Variants in ZNF391 observed in about 807,000 individuals in gnomAD.
ZNF391 encodes zinc finger protein 391.
For missense variants in ZNF391, 375 were observed against 425.5 expected (o/e 0.88, Z 1.04); for synonymous variants, 126 against 142.1 (o/e 0.89, Z 0.80).
chr6:27,397,589 C>T (rs1581535654), intron 1 of ZNF391, among the ~76,000 whole-genome samples: 1 of 152,140 alleles, frequency 6.6e-6, no homozygotes, highest in African/African-American at 2.4e-5. Flanking sequence ...AGCAGTAAGG[C>T]CAATTCCTAT....
upstream of ZNF391, among the ~76,000 whole-genome samples, chr6:27,385,088 T>C (rs748229263): frequency 1.3e-5 from 2 of 152,102 alleles, no homozygotes; most frequent in Non-Finnish European, 2.9e-5. Flanking sequence ...ATAGTGTTAT[T>C]TGAGAGTGGA....
chr6:27,390,285 G>A (rs1761675810), intron 1 of ZNF391, among the ~76,000 whole-genome samples: 1 of 152,216 alleles, frequency 6.6e-6, no homozygotes, highest in Non-Finnish European at 1.5e-5. Flanking sequence ...AACTGTGGTG[G>A]CCAGCGCTGT....
chr6:27,382,437 T>C (rs1487929995), intron 1 of ZNF391, among the ~76,000 whole-genome samples: 1 of 152,182 alleles, frequency 6.6e-6, no homozygotes, highest in Non-Finnish European at 1.5e-5. Context: ...CATTTCCATA[T>C]ATCAAGAAAA....
At chr6:27,395,476 A>G (rs1761804604) in intron 1 of ZNF391, among the ~76,000 whole-genome samples, 1 of 152,152 alleles carries the variant, frequency 6.6e-6, no homozygotes, top group African/African-American at 2.4e-5. Context: ...GAAGATGCCA[A>G]CACCATGCTT....
chr6:27,399,828 A>G, intron 2 of ZNF391, among the ~76,000 whole-genome samples: 1 of 152,176 alleles, frequency 6.6e-6, no homozygotes, highest in Non-Finnish European at 1.5e-5. Flanking sequence ...TGAAATTTTT[A>G]TTCTCTTTCA....
chr6:27,382,581 T>C (rs1354519844), intron 1 of ZNF391, among the ~76,000 whole-genome samples: 1 of 152,080 alleles, frequency 6.6e-6, no homozygotes. Context: ...ATACCAGAAA[T>C]TTGAAACAAT....
At chr6:27,393,287 GTTC>G (rs1228163732) in intron 1 of ZNF391, among the ~76,000 whole-genome samples, 3 of 152,210 alleles carry the variant, frequency 2.0e-5, no homozygotes, top group Non-Finnish European at 4.4e-5. Context: ...GCTTGGTGCT[GTTC>G]TTGTGATAAT....
Position 27,376,677 on chromosome 6 carries a change from GA to G in ZNF391, n.523+1543del, listed in dbSNP as rs1315394394. On this transcript the variant is annotated intron_variant and non_coding_transcript_variant, in intron 1 of 2. Transcript: ENST00000477999. This position sits in a 1 kb window ranked among gnomAD's most constrained non-coding sequence, Gnocchi z 4.7. ...TCAAGACCAGCCTGGCCAACATGGTGAAACCCCATCTCTACTAAAAATACAA... is the reference window on the plus strand; with the variant it reads ...TCAAGACCAGCCTGGCCAACATGGTGAACCCCATCTCTACTAAAAATACAA... Among the ~76,000 whole-genome samples the G allele has an allele frequency of 6.6e-6, 1 of 152,004 alleles. No individual in the cohort carries two copies. The highest frequency in any genetic ancestry group is 6.6e-5 in the Admixed American group (1 of 15,264).
chr6:27,376,154 A>G lies in ZNF391; in HGVS notation n.523+1017A>G, dbSNP rs957889073. On this transcript the variant is annotated intron_variant and non_coding_transcript_variant, in intron 1 of 2. Coordinates refer to the ZNF391 transcript ENST00000477999. The surrounding 1 kb of genome is among the most constrained non-coding windows in gnomAD (Gnocchi z 4.7). ...TTTAAATGTTTATTGTTTCCTTATC[A>G]ATGACATGCCCACCTTTGTCTTGCT... 6.6e-6 allele frequency among the ~76,000 whole-genome samples: 1 copy of G among 152,172 alleles called. No homozygotes were observed. The highest frequency in any genetic ancestry group is 2.4e-5 in the African/African-American group (1 of 41,440).
chr6:27,378,382 C>T (rs1304619399), intron 1 of ZNF391, among the ~76,000 whole-genome samples: 2 of 149,316 alleles, frequency 1.3e-5, no homozygotes, highest in East Asian at 2.0e-4. Context: ...GGGGTGGGGC[C>T]GTTTTATAAG....
Position 27,401,483 on chromosome 6 carries a change from A to G in ZNF391, c.*36A>G, listed in dbSNP as rs1339454702. Reference sequence around the variant, plus strand: ...TTTATTAATGTTAGCATAAGAACACATATACCTAACCTCCCACCACTGAAA... The same window carrying G: ...TTTATTAATGTTAGCATAAGAACACGTATACCTAACCTCCCACCACTGAAA... On this transcript the variant is annotated 3_prime_UTR_variant, in exon 3 of 3. Transcript: ENST00000244576. 1 of 1,487,162 alleles carries G rather than the reference A, an allele frequency of 6.7e-7. No individual in the cohort carries two copies. The highest frequency in any genetic ancestry group is 9.1e-7 in the Non-Finnish European group (1 of 1,099,570). 92.1% of individuals were successfully genotyped at this position (1,487,162 alleles called of 1,614,324 possible). A position where few individuals can be genotyped will look rare whatever the true frequency, so the allele number is the denominator to read the frequency against.
intron 1 of ZNF391, among the ~76,000 whole-genome samples, chr6:27,381,610 T>C (rs1338574036): frequency 6.6e-6 from 1 of 152,146 alleles, no homozygotes. Flanking sequence ...GCCAGCATGC[T>C]GTCACCTCTC....
At chr6:27,381,580 G>A (rs1403459441) in intron 1 of ZNF391, among the ~76,000 whole-genome samples, 3 of 152,322 alleles carry the variant, frequency 2.0e-5, no homozygotes, top group East Asian at 3.9e-4. Flanking sequence ...CGCCGAGAGC[G>A]AGCGAGGGCT....
intron 1 of ZNF391, among the ~76,000 whole-genome samples, chr6:27,382,653 T>C (rs1191595212): frequency 6.6e-6 from 1 of 152,054 alleles, no homozygotes; most frequent in Non-Finnish European, 1.5e-5. Flanking sequence ...CATACAAGAA[T>C]AGATAGGTAA....
At position 27,376,172 on chromosome 6, in the gene ZNF391, G is replaced by C. The variant is rs1761415284; in HGVS notation, n.523+1035G>C. On this transcript the variant is annotated intron_variant and non_coding_transcript_variant, in intron 1 of 2. Coordinates refer to the ZNF391 transcript ENST00000477999. This position sits in a 1 kb window ranked among gnomAD's most constrained non-coding sequence, Gnocchi z 4.7. ...CCTTATCAATGACATGCCCACCTTT[G>C]TCTTGCTACTCTCACTAAAAAAAGA... Among the ~76,000 whole-genome samples the C allele has an allele frequency of 6.6e-6, 1 of 151,938 alleles. No homozygotes were observed. Among genetic ancestry groups the C allele is most frequent in the Admixed American group, 6.6e-5 (1 of 15,258 alleles).
rs1009875297 is a variant in ZNF391 at position 27,402,424 on chromosome 6, G to C, written c.*977G>C. 1.5e-5 allele frequency: 2 copies of C among 132,314 alleles called. No individual in the cohort carries two copies. Among genetic ancestry groups the C allele is most frequent in the African/African-American group, 5.7e-5 (2 of 35,206 alleles). The allele number at this position is 132,314 out of a possible 1,614,324, so 8.2% of individuals were successfully genotyped here. ...TGCCTTAAATCTTGAGCTTCTTTCA[G>C]GATCCATGATTCTGTGCTGATCTAC... On this transcript the variant is annotated 3_prime_UTR_variant, in exon 3 of 3. Coordinates refer to ENST00000244576, the MANE Select transcript of ZNF391 (RefSeq NM_001076781.3).
intron 1 of ZNF391, among the ~76,000 whole-genome samples, chr6:27,382,757 T>C (rs1380719014): frequency 1.3e-5 from 2 of 152,184 alleles, no homozygotes; most frequent in Non-Finnish European, 2.9e-5. Flanking sequence ...GATGGCCTTA[T>C]TGGTAGACTA....
chr6:27,383,124 A>T (rs1487937789), intron 1 of ZNF391, among the ~76,000 whole-genome samples: 1 of 152,134 alleles, frequency 6.6e-6, no homozygotes, highest in Non-Finnish European at 1.5e-5. Context: ...TGTCTCAAAA[A>T]AAAACCAAAA....
intron 1 of ZNF391, among the ~76,000 whole-genome samples, chr6:27,390,661 G>T (rs1309247855): frequency 6.6e-6 from 1 of 152,170 alleles, no homozygotes; most frequent in Non-Finnish European, 1.5e-5. Flanking sequence ...CCATGCTCTA[G>T]AGCAGCAGCT....
Sources: allele counts gnomAD v4.1 joint callset (sites outside exome capture counted in the v4.1 genomes callset), GRCh38; gene constraint gnomAD v4.1.1; non-coding constraint Gnocchi (gnomAD v3.1); transcripts MANE v1.5; gene names NCBI Gene and HGNC (gene_info 2026-07-23, HGNC 2026-07-21).